Variants in CSMD1 observed in about 807,000 individuals in gnomAD.
CSMD1 encodes CUB and sushi domain-containing protein 1.
CSMD1 carries 213 observed loss-of-function variants against 417.5 expected under a neutral mutation model. The observed-to-expected ratio is 0.51, with a 90% CI of 0.46 to 0.57. The LOEUF (loss-of-function observed/expected upper bound fraction) is 0.57. Among genes scored for constraint, CSMD1 ranks in the 20% least tolerant of loss-of-function variants. The probability of loss-of-function intolerance (pLI) is 0.00; values close to 1 mark genes in which losing one functional copy is unlikely to be tolerated. For missense variants in CSMD1, 6,923 were observed against 4,529.7 expected (o/e 1.53, Z -15.17); for synonymous variants, 2,862 against 1,736.8 (o/e 1.65, Z -16.11).
intron 11 of CSMD1, chr8:3,469,101 A>G (rs1350874597): frequency 7.0e-6 from 2 of 284,498 alleles, no homozygotes; most frequent in Non-Finnish European, 1.3e-5. Context: ...ATTTTCCTGG[A>G]ACCGAGAGGC....
chr8:3,477,981 C>A (rs1817525174), intron 11 of CSMD1, among the ~76,000 whole-genome samples: 2 of 152,294 alleles, frequency 1.3e-5, no homozygotes, highest in South Asian at 4.1e-4. Context: ...AATAAATAAT[C>A]ATATTATTAA....
At chr8:3,344,207 G>C (rs1030185746) in intron 22 of CSMD1, among the ~76,000 whole-genome samples, 2 of 152,214 alleles carry the variant, frequency 1.3e-5, no homozygotes, top group African/African-American at 4.8e-5. Flanking sequence ...GTGGGGAGCA[G>C]TGGGTCTGTG....
At chr8:4,596,281 A>C (rs1453005911) in intron 2 of CSMD1, among the ~76,000 whole-genome samples, 4 of 152,332 alleles carry the variant, frequency 2.6e-5, no homozygotes, top group Non-Finnish European at 5.9e-5. Flanking sequence ...GGGAAGCACA[A>C]GGGAGAGATG....
chr8:3,673,753 C>G (rs187644727), intron 7 of CSMD1, among the ~76,000 whole-genome samples: 1 of 152,262 alleles, frequency 6.6e-6, no homozygotes, highest in Admixed American at 6.5e-5. Context: ...TGGAGCTATT[C>G]CCTCAAGCAT....
intron 1 of CSMD1, among the ~76,000 whole-genome samples, chr8:4,768,222 C>T (rs1462636943): frequency 6.6e-6 from 1 of 152,026 alleles, no homozygotes; most frequent in Non-Finnish European, 1.5e-5. Context: ...AATGAGCTTC[C>T]CATGAGTGCT....
intron 5 of CSMD1, among the ~76,000 whole-genome samples, chr8:3,900,876 C>T (rs550150231): frequency 2.8e-4 from 43 of 152,278 alleles, no homozygotes; most frequent in East Asian, 1.2e-3. Context: ...AGCTGCATGC[C>T]GTGCTCAGGC....
At chr8:4,008,842 C>T (rs1816336882) in intron 4 of CSMD1, among the ~76,000 whole-genome samples, 1 of 151,976 alleles carries the variant, frequency 6.6e-6, no homozygotes, top group African/African-American at 2.4e-5. Context: ...GATCTCCTGA[C>T]CTCCTGATCC....
At chr8:4,564,530 T>C (rs998207313) in intron 2 of CSMD1, among the ~76,000 whole-genome samples, 1 of 152,198 alleles carries the variant, frequency 6.6e-6, no homozygotes, top group Non-Finnish European at 1.5e-5. Context: ...TGACTCGATG[T>C]TCGAAACAGA....
intron 26 of CSMD1, among the ~76,000 whole-genome samples, chr8:3,241,312 G>GTGC (rs1799500048): frequency 1.3e-5 from 2 of 150,694 alleles, no homozygotes; most frequent in Admixed American, 6.6e-5. Flanking sequence ...ACCCACAACA[G>GTGC]TTATGGAGGC....
At chr8:3,982,034 G>A (rs960808399) in intron 5 of CSMD1, among the ~76,000 whole-genome samples, 8 of 151,934 alleles carry the variant, frequency 5.3e-5, no homozygotes, top group Admixed American at 1.3e-4. Context: ...AGCCTGGCGC[G>A]GTGACGGTCG....
chr8:3,383,018 G>A (rs1255941905), intron 18 of CSMD1, among the ~76,000 whole-genome samples: 1 of 152,142 alleles, frequency 6.6e-6, no homozygotes, highest in Non-Finnish European at 1.5e-5. Flanking sequence ...GGAGAAACAG[G>A]ATCTCAAATA....
chr8:3,222,171 G>T (rs1235399155), intron 28 of CSMD1, among the ~76,000 whole-genome samples: 1 of 152,134 alleles, frequency 6.6e-6, no homozygotes, highest in East Asian at 1.9e-4. Context: ...GAGAGGCTTA[G>T]AGATTATCTG....
intron 1 of CSMD1, among the ~76,000 whole-genome samples, chr8:4,638,139 A>G (rs1309617365): frequency 6.6e-6 from 1 of 152,228 alleles, no homozygotes; most frequent in African/African-American, 2.4e-5. Context: ...ACTTTAAAAT[A>G]CAGCCTCATC....
intron 25 of CSMD1, among the ~76,000 whole-genome samples, chr8:3,295,760 T>C (rs74608422): frequency 0.017 from 2,627 of 152,296 alleles, 33 homozygotes; most frequent in Non-Finnish European, 0.026. Flanking sequence ...GTTCTACATA[T>C]ATATAGAAAA....
intron 1 of CSMD1, among the ~76,000 whole-genome samples, chr8:4,993,808 G>T (rs1043370417): frequency 2.6e-5 from 4 of 152,194 alleles, no homozygotes; most frequent in African/African-American, 9.6e-5. Context: ...GAGGAGGAAT[G>T]GGGTGTATGG....
At chr8:4,064,199 C>T (rs927757581) in intron 3 of CSMD1, among the ~76,000 whole-genome samples, 12 of 152,180 alleles carry the variant, frequency 7.9e-5, no homozygotes, top group Admixed American at 7.2e-4. Flanking sequence ...GGAGCTTTCA[C>T]CATGGCTCAG....
intron 3 of CSMD1, among the ~76,000 whole-genome samples, chr8:4,277,842 G>C (rs1343909693): frequency 6.6e-6 from 1 of 152,066 alleles, no homozygotes; most frequent in African/African-American, 2.4e-5. Flanking sequence ...CTGCCTCCCT[G>C]GTTCACACCA....
intron 37 of CSMD1, among the ~76,000 whole-genome samples, chr8:3,164,385 C>A (rs1383552375): frequency 1.3e-5 from 2 of 152,172 alleles, no homozygotes; most frequent in South Asian, 4.1e-4. Flanking sequence ...ATTCCTACCA[C>A]AGATTTTCAA....
intron 12 of CSMD1, among the ~76,000 whole-genome samples, chr8:3,435,626 A>T (rs1039141931): frequency 6.6e-6 from 1 of 152,096 alleles, no homozygotes; most frequent in East Asian, 1.9e-4. Context: ...GATGACTATG[A>T]GCTGTTACAT....
Sources: gnomAD v4.1 joint callset for allele counts (sites outside exome capture counted in the v4.1 genomes callset) on GRCh38, gnomAD v4.1.1 for gene constraint, MANE v1.5 for transcripts, NCBI Gene and HGNC (gene_info 2026-07-23, HGNC 2026-07-21) for gene names.